Variants in ARMH4 observed in about 807,000 individuals in gnomAD.
ARMH4 encodes the protein armadillo like helical domain containing 4.
In ARMH4, 49 loss-of-function variants were observed where a neutral mutation model predicts 61.9. The ratio of observed to expected loss-of-function variants is 0.79; its 90% CI spans 0.63 to 1.00. The LOEUF (loss-of-function observed/expected upper bound fraction) is 1.00, where lower values mean the gene tolerates loss of function less well. Ranked by LOEUF, ARMH4 falls within the 50% of genes least tolerant of loss-of-function variation. The pLI is 0.00. For synonymous variants in ARMH4, 368 were observed against 341.5 expected (o/e 1.08, Z -0.85); for missense variants, 934 against 930.0 (o/e 1.00, Z -0.06).
intron 5 of ARMH4, among the ~76,000 whole-genome samples, chr14:58,092,000 A>G (rs1348222091): frequency 6.6e-6 from 1 of 152,240 alleles, no homozygotes; most frequent in African/African-American, 2.4e-5. Flanking sequence ...ACAGAAGTAC[A>G]GAGAATTTGA....
chr14:58,086,421 C>T (rs1389658877), intron 5 of ARMH4, among the ~76,000 whole-genome samples: 1 of 152,078 alleles, frequency 6.6e-6, no homozygotes, highest in African/African-American at 2.4e-5. Context: ...GTAGAACCAG[C>T]AAAAATAACA....
rs146920196 is a variant in ARMH4 at position 58,133,213 on chromosome 14, C to T, written c.1498G>A (p.Asp500Asn). The change falls in exon 3 of 8, where the codon GAC becomes AAC. Residue 500 changes from aspartate (D) to asparagine (N), a missense_variant. Asp to Asn is a conservative substitution (Grantham distance 23). Coordinates refer to ENST00000267485, the MANE Select transcript of ARMH4 (RefSeq NM_001001872.4). ...DSGKTEEEKEDPSPVSDVPGV... is the reference protein window; with the variant it reads ...DSGKTEEEKENPSPVSDVPGV... ...GGAACGTCAGACACAGGAGAGGGGT[C>T]CTCCTTTTCTTCCTCAGTCTTGCCA... 1.7e-5 allele frequency: 27 copies of T among 1,613,966 alleles called. No homozygotes were observed. The African/African-American group carries it at 2.9e-4, about 18-fold the overall frequency.
At chr14:58,030,470 C>A (rs573051899) in intron 5 of ARMH4, among the ~76,000 whole-genome samples, 36 of 152,316 alleles carry the variant, frequency 2.4e-4, no homozygotes, top group Non-Finnish European at 4.7e-4. Flanking sequence ...TGGTAATATA[C>A]ACGTGACATA....
chr14:58,104,633 C>G (rs1289437898), intron 4 of ARMH4, among the ~76,000 whole-genome samples: 3 of 152,126 alleles, frequency 2.0e-5, no homozygotes, highest in Non-Finnish European at 2.9e-5. Flanking sequence ...CCAATAGAAC[C>G]TACTATTACA....
At chr14:58,005,024 GT>G in intron 7 of ARMH4, 23 bp downstream of exon 7, 1 of 1,613,720 alleles carries the variant, frequency 6.2e-7, no homozygotes, top group Non-Finnish European at 8.5e-7. Context: ...AACTGATTAG[GT>G]TTTGCTGTTG....
At chr14:58,019,642 T>G (rs533816406) in intron 5 of ARMH4, among the ~76,000 whole-genome samples, 2 of 151,856 alleles carry the variant, frequency 1.3e-5, no homozygotes, top group Non-Finnish European at 2.9e-5. Flanking sequence ...AATACAAAAA[T>G]TAGCCGAGTA....
At position 58,096,929 on chromosome 14, in the gene ARMH4, CTCTTCT is replaced by C; in HGVS notation, c.1878_1883del (p.Glu628_Glu629del). On this transcript the variant is annotated inframe_deletion, in exon 5 of 8. Transcript: ENST00000267485. ...CTTCCTCATCTTCTTCCTCATCTTCCTCTTCTTCATCTTCATCTTCTTCATCCTCTT... is the reference window on the plus strand; with the variant it reads ...CTTCCTCATCTTCTTCCTCATCTTCCTCATCTTCATCTTCTTCATCCTCTT... The C allele has an allele frequency of 6.2e-7, 1 of 1,613,902 alleles. No individual in the cohort carries two copies. Among genetic ancestry groups the C allele is most frequent in the South Asian group, 1.1e-5 (1 of 91,068 alleles).
In ARMH4 at chr14:58,021,177, G is replaced by A. The variant is rs116358855; in HGVS notation, c.2090-9027C>T. ...TTACCCAGTCTACAGATTCAAATGC[G>A]ATACGGTCTGGCTGTGTCCTCACCC... On this transcript the variant is annotated intron_variant, in intron 5 of 7. Transcript: ENST00000267485. Among the ~76,000 whole-genome samples the A allele has an allele frequency of 5.3e-3, 813 of 152,300 alleles. 11 individuals are homozygous for A. The highest frequency in any genetic ancestry group is 0.018 in the African/African-American group (750 of 41,556).
intron 5 of ARMH4, among the ~76,000 whole-genome samples, chr14:58,067,819 A>G (rs897324291): frequency 1.3e-5 from 2 of 152,226 alleles, no homozygotes; most frequent in Non-Finnish European, 2.9e-5. Context: ...TTAGGAGGTG[A>G]TAAGTCATTA....
In ARMH4 at chr14:58,027,856, C is replaced by T. The variant is rs548952380; in HGVS notation, c.2090-15706G>A. Among the ~76,000 whole-genome samples, 62 of 152,282 alleles carry T rather than the reference C, an allele frequency of 4.1e-4. 2 individuals carry two copies. In the South Asian group the frequency reaches 0.011, roughly 27 times the overall value. On this transcript the variant is annotated intron_variant, in intron 5 of 7. Transcript: ENST00000267485. ...CATTAAATATGTACAGCTTCTTATACATCAAAAGCATTACAGTTAATATGC... is the reference window on the plus strand; with the variant it reads ...CATTAAATATGTACAGCTTCTTATATATCAAAAGCATTACAGTTAATATGC...
intron 4 of ARMH4, among the ~76,000 whole-genome samples, chr14:58,107,534 G>A (rs1417252295): frequency 1.3e-5 from 2 of 152,120 alleles, no homozygotes; most frequent in African/African-American, 4.8e-5. Flanking sequence ...GGGAGGCCAA[G>A]GCAAGTGAAT....
At chr14:58,098,008 C>T (rs539138783) in intron 4 of ARMH4, among the ~76,000 whole-genome samples, 1 of 152,236 alleles carries the variant, frequency 6.6e-6, no homozygotes, top group East Asian at 1.9e-4. Context: ...CCTCTGAAGC[C>T]CCTGGTAAGT....
intron 5 of ARMH4, among the ~76,000 whole-genome samples, chr14:58,031,219 G>C (rs1883217791): frequency 6.6e-6 from 1 of 152,128 alleles, no homozygotes; most frequent in Non-Finnish European, 1.5e-5. Context: ...AAATCCCAAA[G>C]CTCTGAGCAT....
intron 6 of ARMH4, among the ~76,000 whole-genome samples, chr14:58,010,398 G>A (rs982676238): frequency 1.3e-5 from 2 of 151,986 alleles, no homozygotes; most frequent in Non-Finnish European, 2.9e-5. Context: ...GCATGTAATC[G>A]TTCAAGCATG....
chr14:58,015,551 G>T (rs1452499792), intron 5 of ARMH4, among the ~76,000 whole-genome samples: 1 of 152,048 alleles, frequency 6.6e-6, no homozygotes, highest in Non-Finnish European at 1.5e-5. Context: ...CCTTCTTTCA[G>T]AAAATATTTA....
At chr14:58,066,406 G>T (rs1273403229) in intron 5 of ARMH4, among the ~76,000 whole-genome samples, 1 of 152,198 alleles carries the variant, frequency 6.6e-6, no homozygotes, top group Non-Finnish European at 1.5e-5. Context: ...CAGGGCTGGG[G>T]CAGAGGAGAA....
chr14:58,046,883 C>A (rs1176117011), intron 5 of ARMH4, among the ~76,000 whole-genome samples: 1 of 152,186 alleles, frequency 6.6e-6, no homozygotes, highest in Non-Finnish European at 1.5e-5. Flanking sequence ...ACATAAAACT[C>A]CGAATCCTGA....
At position 58,004,652 on chromosome 14, in the gene ARMH4, A is replaced by C; in HGVS notation, c.*84T>G. On this transcript the variant is annotated 3_prime_UTR_variant, in exon 8 of 8. Coordinates refer to ENST00000267485, the MANE Select transcript of ARMH4 (RefSeq NM_001001872.4). ...AACGGCCTGATAGCAGCAATGTGGC[A>C]GGTTGTTCTTTTTTTTTTTCTGCTC... The C allele has an allele frequency of 8.7e-7, 1 of 1,149,614 alleles. No homozygotes were observed. Among genetic ancestry groups the C allele is most frequent in the Admixed American group, 1.9e-5 (1 of 51,690 alleles). 71.2% of individuals were successfully genotyped at this position (1,149,614 alleles called of 1,614,324 possible).
chr14:58,028,378 T>G (rs1883095050), intron 5 of ARMH4, among the ~76,000 whole-genome samples: 1 of 152,208 alleles, frequency 6.6e-6, no homozygotes, highest in Non-Finnish European at 1.5e-5. Context: ...GGAACAGGGT[T>G]GCACATTAAT....
Sources: allele counts gnomAD v4.1 joint callset (sites outside exome capture counted in the v4.1 genomes callset), GRCh38; gene constraint gnomAD v4.1.1; transcripts MANE v1.5; gene names NCBI Gene and HGNC (gene_info 2026-07-23, HGNC 2026-07-21).